KDM4C: variants seen among roughly 807,000 people sequenced by gnomAD.
KDM4C encodes the protein lysine-specific demethylase 4C.
A neutral mutation model predicts 129.3 loss-of-function variants in KDM4C; 81 were observed. That is an observed-to-expected ratio of 0.63 (90% confidence interval 0.52 to 0.75). The LOEUF (loss-of-function observed/expected upper bound fraction) is 0.75, where lower values mean the gene tolerates loss of function less well. Among genes scored for constraint, KDM4C ranks in the 30% least tolerant of loss-of-function variants. KDM4C has a pLI of 0.00. For synonymous variants in KDM4C, 573 were observed against 456.1 expected (o/e 1.26, Z -3.26); for missense variants, 1,457 against 1,304.0 (o/e 1.12, Z -1.81).
rs184978471 is a variant in KDM4C, at chr9:6,951,106, C to G, written c.922-29819C>G. ...GTACATAGTGATGTTTTAATACATACAATTTATAGTGATCAGTCAGGGTAA... is the reference window on the plus strand; with the variant it reads ...GTACATAGTGATGTTTTAATACATAGAATTTATAGTGATCAGTCAGGGTAA... On this transcript the variant is annotated intron_variant, in intron 8 of 21. Transcript: ENST00000381309. 2.0e-5 allele frequency among the ~76,000 whole-genome samples: 3 copies of G among 152,080 alleles called. No individual in the cohort carries two copies. In the East Asian group the frequency reaches 5.8e-4, roughly 29 times the overall value.
chr9:7,032,601 C>T (rs1826963244), intron 15 of KDM4C, among the ~76,000 whole-genome samples: 1 of 152,158 alleles, frequency 6.6e-6, no homozygotes, highest in Admixed American at 6.5e-5. Context: ...AGGAATTCTT[C>T]GTCTATCTCA....
intron 17 of KDM4C, among the ~76,000 whole-genome samples, chr9:7,095,358 G>A (rs1418192086): frequency 2.0e-5 from 3 of 152,172 alleles, no homozygotes; most frequent in Non-Finnish European, 4.4e-5. Context: ...TCTTGCTAAG[G>A]ATAATTAGTT....
chr9:6,860,340 T>C (rs1268157570), intron 5 of KDM4C, among the ~76,000 whole-genome samples: 1 of 152,204 alleles, frequency 6.6e-6, no homozygotes, highest in African/African-American at 2.4e-5. Context: ...GATTGAGTTA[T>C]GTCTTGACGG....
At chr9:6,940,026 CTT>C (rs1563850148) in intron 8 of KDM4C, among the ~76,000 whole-genome samples, 110 of 134,250 alleles carry the variant, frequency 8.2e-4, no homozygotes, top group African/African-American at 3.1e-3. Flanking sequence ...TCCTTCCTTC[CTT>C]CCTTCTTTCC....
At chr9:7,071,322 G>T (rs1833163970) in intron 17 of KDM4C, among the ~76,000 whole-genome samples, 1 of 152,132 alleles carries the variant, frequency 6.6e-6, no homozygotes, top group Non-Finnish European at 1.5e-5. Flanking sequence ...AATTTATGTG[G>T]AAAGGGAAAG....
At chr9:6,915,305 C>T (rs1014257801) in intron 8 of KDM4C, among the ~76,000 whole-genome samples, 17 of 152,108 alleles carry the variant, frequency 1.1e-4, no homozygotes, top group African/African-American at 4.1e-4. Flanking sequence ...TTAGGTGCTT[C>T]AGATTTCCTG....
intron 8 of KDM4C, among the ~76,000 whole-genome samples, chr9:6,955,113 G>A (rs1828840291): frequency 6.6e-6 from 1 of 152,174 alleles, no homozygotes; most frequent in Admixed American, 6.5e-5. Context: ...GTCCATTGCT[G>A]GTTACTGGAT....
intron 19 of KDM4C, among the ~76,000 whole-genome samples, chr9:7,139,432 T>C (rs1460627043): frequency 1.3e-5 from 2 of 152,264 alleles, no homozygotes; most frequent in Admixed American, 1.3e-4. Context: ...CAAGCCAGGC[T>C]TTAGTCCTTA....
chr9:6,993,501 G>C (rs1056910125), intron 12 of KDM4C, among the ~76,000 whole-genome samples: 4 of 152,134 alleles, frequency 2.6e-5, no homozygotes, highest in African/African-American at 7.2e-5. Flanking sequence ...TGTTTGGATT[G>C]TTTTATTCTC....
chr9:6,766,031 C>T (rs758679353), intron 1 of KDM4C, among the ~76,000 whole-genome samples: 23 of 152,204 alleles, frequency 1.5e-4, no homozygotes, highest in Non-Finnish European at 2.6e-4. Flanking sequence ...TCAGGTGATC[C>T]GCCCACCTCA....
intron 12 of KDM4C, among the ~76,000 whole-genome samples, chr9:6,992,680 A>G (rs1275376864): frequency 1.2e-4 from 19 of 152,290 alleles, no homozygotes; most frequent in Admixed American, 6.5e-5. Context: ...TCATTGTTAG[A>G]TTGTGATGTG....
intron 3 of KDM4C, among the ~76,000 whole-genome samples, chr9:6,810,001 A>G (rs1481700816): frequency 6.6e-6 from 1 of 152,054 alleles, no homozygotes; most frequent in East Asian, 1.9e-4. Context: ...AAAAAAATAA[A>G]TAAAATTTCA....
At chr9:6,806,374 A>T (rs1459845174) in intron 3 of KDM4C, among the ~76,000 whole-genome samples, 1 of 151,998 alleles carries the variant, frequency 6.6e-6, no homozygotes, top group Non-Finnish European at 1.5e-5. Context: ...CGTGCCTGTA[A>T]TCCCAGCTAC....
rs183467309 is a variant in KDM4C, at chr9:7,022,229, T to C, written c.2259+6300T>C. ...TTTGATAGGGATTGCATTGAATCTT[T>C]AGATAGCTTTGGATAGTGTGGACAT... On this transcript the variant is annotated intron_variant, in intron 15 of 21. Coordinates refer to ENST00000381309, the MANE Select transcript of KDM4C (RefSeq NM_015061.6). Among the ~76,000 whole-genome samples, 61 of 152,328 alleles carry C rather than the reference T, an allele frequency of 4.0e-4. No individual in the cohort carries two copies. The East Asian group carries it at 0.011, about 27-fold the overall frequency.
At chr9:6,750,136 T>G (rs1818020659) in intron 1 of KDM4C, among the ~76,000 whole-genome samples, 1 of 151,576 alleles carries the variant, frequency 6.6e-6, no homozygotes, top group South Asian at 2.1e-4. Context: ...AGAAAATTTC[T>G]TAGAGGTAAG....
chr9:6,927,317 A>T (rs535956903), intron 8 of KDM4C, among the ~76,000 whole-genome samples: 2 of 151,982 alleles, frequency 1.3e-5, no homozygotes, highest in Non-Finnish European at 2.9e-5. Flanking sequence ...TTTAGTAGAG[A>T]TGGTGTTTTG....
intron 7 of KDM4C, among the ~76,000 whole-genome samples, chr9:6,889,867 T>A (rs1845873021): frequency 6.6e-6 from 1 of 152,182 alleles, no homozygotes; most frequent in Non-Finnish European, 1.5e-5. Flanking sequence ...CTCTGGAGCT[T>A]GGAGCTCTTT....
intron 13 of KDM4C, among the ~76,000 whole-genome samples, chr9:7,012,374 T>C (rs991478964): frequency 6.6e-6 from 1 of 152,176 alleles, no homozygotes; most frequent in African/African-American, 2.4e-5. Flanking sequence ...ATTTCATGGG[T>C]GGGTTACTTT....
At chr9:7,140,284 T>G (rs1274749606) in intron 19 of KDM4C, among the ~76,000 whole-genome samples, 1 of 152,228 alleles carries the variant, frequency 6.6e-6, no homozygotes, top group Non-Finnish European at 1.5e-5. Flanking sequence ...TGACTGACTA[T>G]GTACTGTAAC....
Sources: allele counts gnomAD v4.1 joint callset (sites outside exome capture counted in the v4.1 genomes callset), GRCh38; gene constraint gnomAD v4.1.1; transcripts MANE v1.5; gene names NCBI Gene and HGNC (gene_info 2026-07-23, HGNC 2026-07-21).